Variants in SOX5 observed in about 807,000 individuals in gnomAD.
The protein encoded by SOX5 is transcription factor SOX-5.
A neutral mutation model predicts 92.0 loss-of-function variants in SOX5; 9 were observed. The observed-to-expected ratio is 0.10, with a 90% CI of 0.06 to 0.17. The LOEUF is 0.17. Among genes scored for constraint, SOX5 ranks in the 10% least tolerant of loss-of-function variants. The pLI, the probability that SOX5 is intolerant of heterozygous loss-of-function variation, is 1.00. For synonymous variants in SOX5, 344 were observed against 336.3 expected (o/e 1.02, Z -0.25); for missense variants, 642 against 944.5 (o/e 0.68, Z 4.20).
At chr12:24,289,737 G>T (rs1489183365) in intron 2 of SOX5, among the ~76,000 whole-genome samples, 1 of 120,560 alleles carries the variant, frequency 8.3e-6, no homozygotes, top group Non-Finnish European at 1.6e-5. Flanking sequence ...TTACAGGCGT[G>T]AGCCACCGCG....
intron 8 of SOX5, among the ~76,000 whole-genome samples, chr12:23,633,643 G>C (rs889431755): frequency 6.6e-6 from 1 of 151,990 alleles, no homozygotes; most frequent in African/African-American, 2.4e-5. Context: ...GAGAGGAAGA[G>C]AGAAGGTAAA....
rs538747608 is a variant in SOX5, at chr12:24,179,066, C to T, written c.-2+34277G>A. Among the ~76,000 whole-genome samples, 10 of 152,252 alleles carry T rather than the reference C, an allele frequency of 6.6e-5. No individual in the cohort carries two copies. The South Asian group carries it at 1.5e-3, about 22-fold the overall frequency. ...GTTGGTCACATAAAAATGATATCAG[C>T]GGGCTTGTTACCTCTAATTAGATAT... On this transcript the variant is annotated intron_variant, in intron 4 of 4. Transcript: ENST00000446891.
At chr12:23,904,668 T>C (rs2097272534) in intron 1 of SOX5, among the ~76,000 whole-genome samples, 4 of 152,332 alleles carry the variant, frequency 2.6e-5, no homozygotes, top group African/African-American at 9.6e-5. Context: ...TTTAAAAACA[T>C]GTTCATCAAA....
chr12:23,860,631 T>A (rs1347495517), intron 2 of SOX5, among the ~76,000 whole-genome samples: 1 of 152,264 alleles, frequency 6.6e-6, no homozygotes, highest in South Asian at 2.1e-4. Context: ...GGAAATTCAA[T>A]TGTTTGAGAT....
chr12:23,882,256 A>G (rs1338597807), intron 2 of SOX5, among the ~76,000 whole-genome samples: 1 of 152,188 alleles, frequency 6.6e-6, no homozygotes, highest in Non-Finnish European at 1.5e-5. Flanking sequence ...AGGCCTAAAA[A>G]GCAATAAACA....
intron 1 of SOX5, among the ~76,000 whole-genome samples, chr12:24,425,153 G>A (rs1238150180): frequency 6.6e-6 from 1 of 152,160 alleles, no homozygotes; most frequent in Non-Finnish European, 1.5e-5. Flanking sequence ...CAACATCAAA[G>A]GGCTGTGGTT....
chr12:24,343,601 T>C (rs1952831504), intron 2 of SOX5, among the ~76,000 whole-genome samples: 1 of 152,184 alleles, frequency 6.6e-6, no homozygotes, highest in Admixed American at 6.5e-5. Context: ...GTCTTTAATC[T>C]GCACTCAGCT....
intron 1 of SOX5, among the ~76,000 whole-genome samples, chr12:23,917,843 T>A (rs572896758): frequency 6.6e-6 from 1 of 152,298 alleles, no homozygotes; most frequent in East Asian, 1.9e-4. Context: ...CAACAGAATG[T>A]AATGGGTCTC....
chr12:23,604,199 A>C, intron 9 of SOX5, 188 bp downstream of exon 9: 1 of 575,762 alleles, frequency 1.7e-6, no homozygotes, highest in South Asian at 2.2e-5. Flanking sequence ...ATATTGAATA[A>C]ATGAATAAAT....
chr12:24,070,379 T>A (rs1941571885), intron 4 of SOX5, among the ~76,000 whole-genome samples: 1 of 151,990 alleles, frequency 6.6e-6, no homozygotes. Flanking sequence ...AAAATAATGC[T>A]CCATAATGGA....
At chr12:24,106,035 A>C (rs143007598) in intron 4 of SOX5, among the ~76,000 whole-genome samples, 1 of 152,284 alleles carries the variant, frequency 6.6e-6, no homozygotes, top group Non-Finnish European at 1.5e-5. Context: ...GACATGATAT[A>C]AAAAACAGAA....
intron 1 of SOX5, among the ~76,000 whole-genome samples, chr12:24,380,665 T>C (rs1957734775): frequency 6.6e-6 from 1 of 152,124 alleles, no homozygotes; most frequent in African/African-American, 2.4e-5. Context: ...ACTCCATCGC[T>C]GGGCTGAGCC....
chr12:24,264,599 T>A (rs1033238438), intron 3 of SOX5, among the ~76,000 whole-genome samples: 1 of 152,164 alleles, frequency 6.6e-6, no homozygotes, highest in African/African-American at 2.4e-5. Flanking sequence ...ATTTGCTTCA[T>A]CCTCTGCATC....
intron 1 of SOX5, among the ~76,000 whole-genome samples, chr12:24,400,498 G>A (rs192421636): frequency 1.0e-3 from 159 of 152,318 alleles, no homozygotes; most frequent in African/African-American, 3.8e-3. Context: ...TGAAAAGTTA[G>A]CAGAAAAAGA....
chr12:23,982,663 T>C (rs1350274160), intron 4 of SOX5, among the ~76,000 whole-genome samples: 2 of 151,988 alleles, frequency 1.3e-5, no homozygotes, highest in African/African-American at 4.8e-5. Flanking sequence ...TAGAAATAGA[T>C]ACACAAATCA....
chr12:23,537,965 A>G (rs1408205216), intron 13 of SOX5, among the ~76,000 whole-genome samples: 1 of 149,940 alleles, frequency 6.7e-6, no homozygotes, highest in Non-Finnish European at 1.5e-5. Flanking sequence ...TTTAATAGTG[A>G]TTTAAAAATC....
intron 4 of SOX5, among the ~76,000 whole-genome samples, chr12:23,961,813 T>C (rs992731743): frequency 1.3e-5 from 2 of 152,230 alleles, no homozygotes; most frequent in African/African-American, 2.4e-5. Context: ...TTGTGTATCC[T>C]GGTATTCCTA....
chr12:24,223,599 T>G (rs1279107659), intron 3 of SOX5, among the ~76,000 whole-genome samples: 1 of 151,822 alleles, frequency 6.6e-6, no homozygotes, highest in Non-Finnish European at 1.5e-5. Flanking sequence ...ACTGAAAAAT[T>G]TTTAAATTAG....
At chr12:23,708,454 T>A (rs1362178921) in intron 6 of SOX5, among the ~76,000 whole-genome samples, 2 of 152,204 alleles carry the variant, frequency 1.3e-5, no homozygotes, top group African/African-American at 4.8e-5. Context: ...AGCACCAAAT[T>A]GAAGAGGGTC....
Sources: allele counts gnomAD v4.1 joint callset (sites outside exome capture counted in the v4.1 genomes callset), GRCh38; gene constraint gnomAD v4.1.1; transcripts MANE v1.5; gene names NCBI Gene and HGNC (gene_info 2026-07-23, HGNC 2026-07-21).